The following C2orf81 variants were observed in gnomAD, a reference collection of about 807,000 sequenced individuals.
C2orf81 encodes uncharacterized protein C2orf81.
A neutral mutation model predicts 7.9 loss-of-function variants in C2orf81; 5 were observed. The observed-to-expected ratio is 0.63, with a 90% CI of 0.33 to 1.33. C2orf81 has a LOEUF of 1.33. Among genes scored for constraint, C2orf81 ranks in the 40% most tolerant of loss-of-function variants. The pLI, the probability that C2orf81 is intolerant of heterozygous loss-of-function variation, is 0.05. For missense variants in C2orf81, 781 were observed against 830.4 expected (o/e 0.94, Z 0.73); for synonymous variants, 346 against 367.4 (o/e 0.94, Z 0.66).
In C2orf81 at chr2:74,414,409, C is replaced by T; in HGVS notation, c.1768G>A (p.Glu590Lys). ...TQVLLSSGVPEQEDKEGSTFP... is the reference protein window; with the variant it reads ...TQVLLSSGVPKQEDKEGSTFP... The stretch of plus-strand genomic sequence containing the variant: ...GTGCTACCTTCTTTGTCCTCTTGTT[C>T]AGGCACACCAGAGCTGAGCAACACC... Residue 590 changes from glutamate (E) to lysine (K), a missense_variant, in exon 3 of 3, where the codon GAA (glutamate) becomes AAA (lysine). Glu to Lys is a moderately conservative substitution (Grantham distance 56). Coordinates refer to ENST00000684111, the MANE Select transcript of C2orf81 (RefSeq NM_001316764.3). The surrounding 1 kb of genome is among the most constrained non-coding windows in gnomAD (Gnocchi z 5.3). 2 of 1,546,836 alleles carry T rather than the reference C, an allele frequency of 1.3e-6. No individual in the cohort carries two copies. Among genetic ancestry groups the T allele is most frequent in the Non-Finnish European group, 1.7e-6 (2 of 1,143,914 alleles).
Position 74,415,714 on chromosome 2 carries a change from C to T in C2orf81, c.463G>A (p.Gly155Ser), listed in dbSNP as rs1233379328. Residue 155 changes from glycine to serine, a missense_variant, in exon 3 of 3, where the codon GGC becomes AGC. Transcript: ENST00000684111. This position sits in a 1 kb window ranked among gnomAD's most constrained non-coding sequence, Gnocchi z 5.5. ...GAGGCTCCTGAGGAGTGTACTTCGCCTTGGAAGTTCTCCAGGCCCTCCGAG... is the reference window on the plus strand; with the variant it reads ...GAGGCTCCTGAGGAGTGTACTTCGCTTTGGAAGTTCTCCAGGCCCTCCGAG... ...STSEGLENFQ[G>S]EVHSSGASPD... 1 of 1,551,596 alleles carries T rather than the reference C, an allele frequency of 6.4e-7. No homozygotes were observed. The highest frequency in any genetic ancestry group is 2.0e-5 in the Admixed American group (1 of 51,014).
In C2orf81 at chr2:74,415,418, G is replaced by A. The variant is rs901891080; in HGVS notation, c.759C>T (p.Ala253=). The A allele has an allele frequency of 2.6e-6, 4 of 1,530,810 alleles. No homozygotes were observed. The highest frequency in any genetic ancestry group is 2.8e-5 in the African/African-American group (2 of 72,594). The allele number at this position is 1,530,810 out of a possible 1,614,324, so 94.8% of individuals were successfully genotyped here. ...ADGQSRGLSS[A]GSLSASFQLS... Reference sequence around the variant, plus strand: ...GTTGGAAGCTCGCGCTCAAGGACCCGGCCGAGGAGAGGCCTCTAGACTGGC... The same window carrying A: ...GTTGGAAGCTCGCGCTCAAGGACCCAGCCGAGGAGAGGCCTCTAGACTGGC... The change falls in exon 3 of 3, where the codon GCC becomes GCT. Residue 253 remains alanine, a synonymous_variant. Coordinates refer to ENST00000684111, the MANE Select transcript of C2orf81 (RefSeq NM_001316764.3). This position sits in a 1 kb window ranked among gnomAD's most constrained non-coding sequence, Gnocchi z 5.5.
In C2orf81 at chr2:74,415,732, C is replaced by T. The variant is rs1444822510; in HGVS notation, c.445G>A (p.Gly149Ser). The change falls in exon 3 of 3, where the codon GGC becomes AGC. Residue 149 changes from glycine to serine, a missense_variant. Physicochemically the swap from Gly to Ser is moderately conservative, Grantham distance 56 (BLOSUM62 0). Transcript: ENST00000684111. The surrounding 1 kb of genome is among the most constrained non-coding windows in gnomAD (Gnocchi z 5.5). Reference sequence around the variant, plus strand: ...ACTTCGCCTTGGAAGTTCTCCAGGCCCTCCGAGGTGGACGCGTGCAGCACG... The same window carrying T: ...ACTTCGCCTTGGAAGTTCTCCAGGCTCTCCGAGGTGGACGCGTGCAGCACG... ...VPVLHASTSEGLENFQGEVHS... is the reference protein window; with the variant it reads ...VPVLHASTSESLENFQGEVHS... 4 of 1,551,580 alleles carry T rather than the reference C, an allele frequency of 2.6e-6. No homozygotes were observed. The highest frequency in any genetic ancestry group is 1.7e-4 in the Middle Eastern group (1 of 5,992).
In C2orf81 at chr2:74,414,343, G is replaced by C; in HGVS notation, c.1834C>G (p.Pro612Ala). The change falls in exon 3 of 3, where the codon CCA becomes GCA. Residue 612 changes from proline to alanine, a missense_variant. Coordinates refer to ENST00000684111, the MANE Select transcript of C2orf81 (RefSeq NM_001316764.3). This position sits in a 1 kb window ranked among gnomAD's most constrained non-coding sequence, Gnocchi z 5.3. ...CTGTGCTACGGTCACCTGGGCTTTG[G>C]GGCACCTGTCTGGATGGGATGTTGC... is the stretch of plus-strand genomic sequence containing the variant. ...VEQHPIQTGAPKPR is the reference protein window; with the variant it reads ...VEQHPIQTGAAKPR 6.7e-7 allele frequency: 1 copy of C among 1,485,872 alleles called. No homozygotes were observed. The highest frequency in any genetic ancestry group is 9.0e-7 in the Non-Finnish European group (1 of 1,110,836). 92.0% of individuals were successfully genotyped at this position (1,485,872 alleles called of 1,614,324 possible).
At position 74,415,829 on chromosome 2, in the gene C2orf81, C is replaced by T. The variant is rs1277351629; in HGVS notation, c.348G>A (p.Glu116=). 6.4e-7 allele frequency: 1 copy of T among 1,551,626 alleles called. No individual in the cohort carries two copies. Among genetic ancestry groups the T allele is most frequent in the Non-Finnish European group, 8.7e-7 (1 of 1,147,014 alleles). ...CCTCGTCCTCACCCCATGTGGGGTC[C>T]TCAGCTACTGCAGATTCTCCCTCGT... ...ARDEGESAVA[E]DPTWGEDEEP... The change falls in exon 3 of 3, where the codon GAG becomes GAA. Residue 116 remains glutamate, a synonymous_variant. Transcript: ENST00000684111. This position sits in a 1 kb window ranked among gnomAD's most constrained non-coding sequence, Gnocchi z 5.5.
At position 74,414,918 on chromosome 2, in the gene C2orf81, G is replaced by A. The variant is rs1482806669; in HGVS notation, c.1259C>T (p.Pro420Leu). 6.5e-7 allele frequency: 1 copy of A among 1,544,684 alleles called. No homozygotes were observed. Among genetic ancestry groups the A allele is most frequent in the Admixed American group, 2.0e-5 (1 of 50,698 alleles). ...RGEKTKARAE[P>L]QALGPGTRVS... ...ACGGGTGCCGGGGCCGAGGGCTTGG[G>A]GTTCGGCCCGGGCCTTGGTCTTCTC... The change falls in exon 3 of 3, where the codon CCC becomes CTC. Residue 420 changes from proline (P) to leucine (L), a missense_variant. Coordinates refer to ENST00000684111, the MANE Select transcript of C2orf81 (RefSeq NM_001316764.3). This position sits in a 1 kb window ranked among gnomAD's most constrained non-coding sequence, Gnocchi z 5.3.
rs1045207958 is a variant in C2orf81, at chr2:74,418,051, G to A, written c.19-1810C>T. On this transcript the variant is annotated intron_variant, in intron 1 of 2. Coordinates refer to ENST00000684111, the MANE Select transcript of C2orf81 (RefSeq NM_001316764.3). ...GCTGGAGGCGGTGGTGATGGTGGGT[G>A]TAGGGAAGGGGTGGGGGGTGGGAGG... 8 of 524,452 alleles carry A rather than the reference G, an allele frequency of 1.5e-5. No homozygotes were observed. In the Admixed American group the frequency reaches 1.8e-4, roughly 11 times the overall value. The allele number at this position is 524,452 out of a possible 1,614,324, so 32.5% of individuals were successfully genotyped here.
rs1003885818 is a variant in C2orf81 at position 74,414,815 on chromosome 2, G to A, written c.1362C>T (p.Phe454=). Residue 454 remains phenylalanine, a synonymous_variant, in exon 3 of 3, where the codon TTC becomes TTT. Coordinates refer to ENST00000684111, the MANE Select transcript of C2orf81 (RefSeq NM_001316764.3). The surrounding 1 kb of genome is among the most constrained non-coding windows in gnomAD (Gnocchi z 5.3). ...ACGATAGGCCTAAATTTAAAGTGGG[G>A]AACAGGAGTGCGGGGCCCGAGTCCA... ...RDLDSGPALL[F]PTLNLGLSSP... The A allele has an allele frequency of 1.9e-6, 3 of 1,551,426 alleles. No homozygotes were observed. The highest frequency in any genetic ancestry group is 1.7e-6 in the Non-Finnish European group (2 of 1,146,892).
At position 74,415,942 on chromosome 2, in the gene C2orf81, G is replaced by A; in HGVS notation, c.250-15C>T. ...AATGGAATGCACTGCGGAGGCGAGA[G>A]AGGATCTCAGGTCGGCAGGGAGGGG... is the stretch of plus-strand genomic sequence containing the variant. On this transcript the variant is annotated splice_polypyrimidine_tract_variant and intron_variant, in intron 2 of 2. Coordinates refer to ENST00000684111, the MANE Select transcript of C2orf81 (RefSeq NM_001316764.3). This position sits in a 1 kb window ranked among gnomAD's most constrained non-coding sequence, Gnocchi z 5.5. 1 of 1,546,826 alleles carries A rather than the reference G, an allele frequency of 6.5e-7. No homozygotes were observed. Among genetic ancestry groups the A allele is most frequent in the Non-Finnish European group, 8.7e-7 (1 of 1,143,316 alleles).
rs1351840350 is a variant in C2orf81 at position 74,414,927 on chromosome 2, C to T, written c.1250G>A (p.Arg417Gln). 19 of 1,544,726 alleles carry T rather than the reference C, an allele frequency of 1.2e-5. No individual in the cohort carries two copies. In the East Asian group the frequency reaches 3.4e-4, roughly 28 times the overall value. Residue 417 changes from arginine (R) to glutamine (Q), a missense_variant, in exon 3 of 3, where the codon CGG (arginine) becomes CAG (glutamine). Transcript: ENST00000684111. This position sits in a 1 kb window ranked among gnomAD's most constrained non-coding sequence, Gnocchi z 5.3. ...GGGGCCGAGGGCTTGGGGTTCGGCCCGGGCCTTGGTCTTCTCGCCCCGCTG... is the reference window on the plus strand; with the variant it reads ...GGGGCCGAGGGCTTGGGGTTCGGCCTGGGCCTTGGTCTTCTCGCCCCGCTG... Reference protein sequence around the residue: ...GRQRGEKTKARAEPQALGPGT... With the variant: ...GRQRGEKTKAQAEPQALGPGT...
At position 74,415,444 on chromosome 2, in the gene C2orf81, C is replaced by T. The variant is rs564474116; in HGVS notation, c.733G>A (p.Gly245Ser). The part of the protein sequence containing the change: ...GPGGPVEEAD[G>S]QSRGLSSAGS... ...GCCGAGGAGAGGCCTCTAGACTGGC[C>T]GTCCGCTTCCTCTACAGGACCTCCG... Residue 245 changes from glycine to serine, a missense_variant, in exon 3 of 3, where the codon GGC (glycine) becomes AGC (serine). Physicochemically the swap from Gly to Ser is moderately conservative, Grantham distance 56 (BLOSUM62 0). Transcript: ENST00000684111. This position sits in a 1 kb window ranked among gnomAD's most constrained non-coding sequence, Gnocchi z 5.5. 11 of 1,534,010 alleles carry T rather than the reference C, an allele frequency of 7.2e-6. No individual in the cohort carries two copies. The East Asian group carries it at 2.5e-4, about 34-fold the overall frequency.
chr2:74,419,222 G>C (rs1676540725), intron 1 of C2orf81, among the ~76,000 whole-genome samples: 1 of 150,716 alleles, frequency 6.6e-6, no homozygotes, highest in South Asian at 2.1e-4. Flanking sequence ...AATAGAAGAA[G>C]AAAAATGGCC....
chr2:74,416,605 A>G (rs1440444921), intron 1 of C2orf81: 1 of 160,676 alleles, frequency 6.2e-6, no homozygotes, highest in Non-Finnish European at 1.4e-5. Flanking sequence ...AGAAAAAGAA[A>G]GAAAAAAGAA....
intron 1 of C2orf81, chr2:74,417,863 C>G (rs1169484064): frequency 1.7e-5 from 8 of 461,204 alleles, no homozygotes; most frequent in African/African-American, 1.6e-4. Context: ...TTAGCCTTGT[C>G]CAGGAGGGCA....
intron 1 of C2orf81, chr2:74,418,646 G>C: frequency 1.7e-6 from 1 of 573,894 alleles, no homozygotes. Flanking sequence ...CAGGCTCGGA[G>C]TCCCACTTAG....
intron 1 of C2orf81, chr2:74,417,565 T>C: frequency 1.8e-6 from 2 of 1,100,846 alleles, no homozygotes; most frequent in Non-Finnish European, 2.4e-6. Flanking sequence ...GGATGAAAGG[T>C]GTGAGCCTCA....
chr2:74,415,370 G>C lies in C2orf81; in HGVS notation c.807C>G (p.Ala269=), dbSNP rs557434668. 1 of 1,517,012 alleles carries C rather than the reference G, an allele frequency of 6.6e-7. No individual in the cohort carries two copies. The highest frequency in any genetic ancestry group is 8.9e-7 in the Non-Finnish European group (1 of 1,126,288). 94.0% of individuals were successfully genotyped at this position (1,517,012 alleles called of 1,614,324 possible). The stretch of plus-strand genomic sequence containing the variant: ...GATCCAGAGAAGGGTCGGCATCGTC[G>C]GCAGGCGCCTCCTCCACCGACAGTT... The part of the protein sequence containing the change: ...SFQLSVEEAP[A]DDADPSLDPY... Residue 269 remains alanine (A), a synonymous_variant, in exon 3 of 3, where the codon GCC becomes GCG. Coordinates refer to ENST00000684111, the MANE Select transcript of C2orf81 (RefSeq NM_001316764.3). The surrounding 1 kb of genome is among the most constrained non-coding windows in gnomAD (Gnocchi z 5.5).
Position 74,414,361 on chromosome 2 carries a change from G to C in C2orf81, c.1816C>G (p.Pro606Ala), listed in dbSNP as rs1676376702. 3 of 1,507,644 alleles carry C rather than the reference G, an allele frequency of 2.0e-6. No homozygotes were observed. The highest frequency in any genetic ancestry group is 2.1e-5 in the Admixed American group (1 of 47,202). 93.4% of individuals were successfully genotyped at this position (1,507,644 alleles called of 1,614,324 possible). Reference sequence around the variant, plus strand: ...GGCTTTGGGGCACCTGTCTGGATGGGATGTTGCTCAACGGGAGGAAAGGTG... The same window carrying C: ...GGCTTTGGGGCACCTGTCTGGATGGCATGTTGCTCAACGGGAGGAAAGGTG... ...GSTFPPVEQH[P>A]IQTGAPKPR is the part of the protein sequence containing the mutation. The change falls in exon 3 of 3, where the codon CCC (proline) becomes GCC (alanine). Residue 606 changes from proline to alanine, a missense_variant. By Grantham distance (27) the Pro-to-Ala change is conservative. Transcript: ENST00000684111. The surrounding 1 kb of genome is among the most constrained non-coding windows in gnomAD (Gnocchi z 5.3).
Position 74,415,063 on chromosome 2 carries a change from C to T in C2orf81, c.1114G>A (p.Ala372Thr). ...AHHHRMRRKA[A>T]VKRLDPARLP... The stretch of plus-strand genomic sequence containing the variant: ...CTCGCAGGGTCCAGGCGTTTCACGG[C>T]CGCCTTGCGGCGCATCCTGTGGTGG... The change falls in exon 3 of 3, where the codon GCC becomes ACC. Residue 372 changes from alanine (A) to threonine (T), a missense_variant. Physicochemically the swap from Ala to Thr is moderately conservative, Grantham distance 58. Coordinates refer to ENST00000684111, the MANE Select transcript of C2orf81 (RefSeq NM_001316764.3). This position sits in a 1 kb window ranked among gnomAD's most constrained non-coding sequence, Gnocchi z 5.5. 6.5e-7 allele frequency: 1 copy of T among 1,548,090 alleles called. No homozygotes were observed. The highest frequency in any genetic ancestry group is 1.2e-5 in the South Asian group (1 of 83,946).
Sources: allele counts gnomAD v4.1 joint callset (sites outside exome capture counted in the v4.1 genomes callset), GRCh38; gene constraint gnomAD v4.1.1; non-coding constraint Gnocchi (gnomAD v3.1); transcripts MANE v1.5; gene names NCBI Gene and HGNC (gene_info 2026-07-23, HGNC 2026-07-21).